APC2: variants seen among roughly 807,000 people sequenced by gnomAD.
The protein encoded by APC2 is APC regulator of Wnt signaling pathway 2.
Under a neutral mutation model 72.5 loss-of-function variants are expected in APC2, and 41 were observed. The ratio of observed to expected loss-of-function variants is 0.57; its 90% confidence interval spans 0.44 to 0.73. The LOEUF is 0.73. APC2 is among the 30% of genes least tolerant of loss of function. APC2 has a pLI of 0.00. For synonymous variants in APC2, 1,898 were observed against 1,612.0 expected, an observed-to-expected ratio of 1.18 and a Z score of -4.25; for missense variants, 3,729 against 3,403.4, an observed-to-expected ratio of 1.10 and a Z score of -2.38.
intron 5 of APC2, 62 bp downstream of exon 5, chr19:1,455,319 G>A: frequency 1.3e-6 from 2 of 1,587,166 alleles, no homozygotes; most frequent in East Asian, 2.3e-5. Flanking sequence ...GGGAAGCGGC[G>A]TGGGGGAGGA....
chr19:1,451,718 C>G (rs2083744915), intron 1 of APC2: 1 of 152,332 alleles, frequency 6.6e-6, no homozygotes, highest in South Asian at 2.1e-4. Context: ...ATGGTGGTCC[C>G]TGAGACTCAG....
chr19:1,456,450 G>C (rs555290470), intron 8 of APC2, 46 bp downstream of exon 8: 1 of 1,519,834 alleles, frequency 6.6e-7, no homozygotes. Context: ...GTCTGGGCTG[G>C]AAGGGGGATC....
At chr19:1,457,877 C>A in intron 9 of APC2, 88 bp from the exon 10 acceptor site, 1 of 1,060,072 alleles carries the variant, frequency 9.4e-7, no homozygotes, top group Admixed American at 2.5e-5. Context: ...ATCCTTCAGG[C>A]CTGGGGCGGG....
rs750495655 is a variant in APC2, at chr19:1,453,514, G to A, written c.316G>A (p.Glu106Lys). ...CCCGGAGCCTGCCGCCCGGACCCCCGAGGGCAGCCCAGTACACGGCTCCGG... is the reference window on the plus strand; with the variant it reads ...CCCGGAGCCTGCCGCCCGGACCCCCAAGGGCAGCCCAGTACACGGCTCCGG... ...LGPEPAARTP[E>K]GSPVHGSGPS... Residue 106 changes from glutamate (E) to lysine (K), a missense_variant, in exon 4 of 15, where the codon GAG (glutamate) becomes AAG (lysine). Physicochemically the swap from Glu to Lys is moderately conservative, Grantham distance 56. Transcript: ENST00000590469. The A allele has an allele frequency of 1.1e-5, 17 of 1,609,960 alleles. 1 individual carries two copies. The highest frequency in any genetic ancestry group is 9.9e-5 in the South Asian group (9 of 90,994).
intron 9 of APC2, chr19:1,457,656 C>CTACTGCACTCCAGT (rs1233589739): frequency 1.9e-6 from 1 of 522,496 alleles, no homozygotes; most frequent in Non-Finnish European, 3.5e-6. Context: ...TGAGATCATG[C>CTACTGCACTCCAGT]TACTGCACTC....
intron 12 of APC2, 59 bp downstream of exon 12, chr19:1,460,916 C>T: frequency 6.2e-7 from 1 of 1,600,230 alleles, no homozygotes; most frequent in Non-Finnish European, 8.6e-7. Flanking sequence ...AGAGGCCCCT[C>T]CCCAGCGGTG....
chr19:1,456,572 G>C (rs1390386321), intron 8 of APC2, among the ~76,000 whole-genome samples, 168 bp downstream of exon 8: 1 of 152,132 alleles, frequency 6.6e-6, no homozygotes, highest in African/African-American at 2.4e-5. Flanking sequence ...CGGGCCTGGC[G>C]AGGTGGATGG....
chr19:1,459,389 C>G (rs2083889267), intron 10 of APC2, among the ~76,000 whole-genome samples: 1 of 152,236 alleles, frequency 6.6e-6, no homozygotes, highest in African/African-American at 2.4e-5. Flanking sequence ...TGGCTCCCTT[C>G]TGAGGCTGCG....
chr19:1,457,222 G>C lies in APC2; in HGVS notation c.1186G>C (p.Glu396Gln). The change falls in exon 9 of 15, where the codon GAG becomes CAG. Residue 396 changes from glutamate to glutamine, a missense_variant. Physicochemically the swap from Glu to Gln is conservative, Grantham distance 29 (BLOSUM62 2). Transcript: ENST00000590469. The stretch of plus-strand genomic sequence containing the variant: ...GCTGCAGGCCCGAGACGGCGGGCCC[G>C]AGGGAGGTGGCGCCGGCAGCGGTGA... The part of the protein sequence containing the change: ...DWLQARDGGP[E>Q]GGGAGSAPIP... 1 of 1,540,054 alleles carries C rather than the reference G, an allele frequency of 6.5e-7. No homozygotes were observed. Among genetic ancestry groups the C allele is most frequent in the Non-Finnish European group, 8.7e-7 (1 of 1,146,120 alleles).
chr19:1,457,904 C>A, intron 9 of APC2, 61 bp from the exon 10 acceptor site: 4 of 928,980 alleles, frequency 4.3e-6, no homozygotes, highest in South Asian at 1.5e-5. Context: ...GCGGGACCTT[C>A]GGGAGTCACC....
upstream of APC2, among the ~76,000 whole-genome samples, chr19:1,446,837 C>T (rs73515102): frequency 0.01 from 1,529 of 152,312 alleles, 20 homozygotes; most frequent in African/African-American, 0.031. The surrounding 1 kb of genome is among the most constrained non-coding windows in gnomAD (Gnocchi z 6.1). Context: ...CGTATCCGTC[C>T]GCTCCCGACC....
At position 1,469,566 on chromosome 19, in the gene APC2, C is replaced by A. The variant is rs1361981843; in HGVS notation, c.6265C>A (p.Pro2089Thr). 7 of 1,239,944 alleles carry A rather than the reference C, an allele frequency of 5.6e-6. No homozygotes were observed. Among genetic ancestry groups the A allele is most frequent in the Non-Finnish European group, 7.2e-6 (7 of 977,300 alleles). The allele number at this position is 1,239,944 out of a possible 1,614,324, so 76.8% of individuals were successfully genotyped here. A position where few individuals can be genotyped will look rare whatever the true frequency, so the allele number is the denominator to read the frequency against. ...ESPSRLPVRAPAARPETVKRY... is the reference protein window; with the variant it reads ...ESPSRLPVRATAARPETVKRY... ...CCCGTCCCGCCTGCCTGTGCGCGCG[C>A]CCGCCGCCCGGCCGGAGACTGTCAA... Residue 2089 changes from proline (P) to threonine (T), a missense_variant, in exon 15 of 15, where the codon CCC (proline) becomes ACC (threonine). Coordinates refer to ENST00000590469, the MANE Select transcript of APC2 (RefSeq NM_005883.3).
intron 5 of APC2, 53 bp downstream of exon 5, chr19:1,455,310 G>T: frequency 2.5e-6 from 4 of 1,584,260 alleles, no homozygotes; most frequent in East Asian, 4.6e-5. Flanking sequence ...TCAGGGTGCG[G>T]GAAGCGGCGT....
intron 14 of APC2, among the ~76,000 whole-genome samples, chr19:1,463,357 G>A (rs2145222403): frequency 6.6e-6 from 1 of 151,266 alleles, no homozygotes; most frequent in South Asian, 2.1e-4. Flanking sequence ...GGCGGAGGCT[G>A]CAGTGAGGTG....
rs1208322438 is a variant in APC2, at chr19:1,465,459, G to A, written c.2158G>A (p.Val720Met). ...SPGSCVPSLY[V>M]RKQRALEAEL... is the part of the protein sequence containing the mutation. ...AGGCAGCTGCGTGCCCAGCCTGTAC[G>A]TGCGCAAGCAGCGGGCGCTGGAGGC... The change falls in exon 15 of 15, where the codon GTG becomes ATG. Residue 720 changes from valine to methionine, a missense_variant. Val to Met is a conservative substitution (Grantham distance 21). Transcript: ENST00000590469. 3.9e-6 allele frequency: 6 copies of A among 1,533,540 alleles called. No individual in the cohort carries two copies. Among genetic ancestry groups the A allele is most frequent in the East Asian group, 2.5e-5 (1 of 40,646 alleles). 95.0% of individuals were successfully genotyped at this position (1,533,540 alleles called of 1,614,324 possible).
rs758320358 is a variant in APC2, at chr19:1,470,060, G to A, written c.6759G>A (p.Val2253=). 77 of 1,588,324 alleles carry A rather than the reference G, an allele frequency of 4.8e-5. No individual in the cohort carries two copies. Among genetic ancestry groups the A allele is most frequent in the Non-Finnish European group, 6.1e-5 (72 of 1,171,772 alleles). Residue 2253 remains valine, a synonymous_variant, in exon 15 of 15, where the codon GTG becomes GTA. Transcript: ENST00000590469. ...TGCACGAGGGCCTGGGGGTCGCCGT[G>A]GGGGGCTTCCCCGCCAGCCGGCACG... The part of the protein sequence containing the change: ...PFVHEGLGVA[V]GGFPASRHGS...
At chr19:1,460,910 G>T (rs1236135482) in intron 12 of APC2, 53 bp downstream of exon 12, 21 of 1,602,404 alleles carry the variant, frequency 1.3e-5, no homozygotes, top group African/African-American at 2.7e-5. Flanking sequence ...ATAGGCAGAG[G>T]CCCCTCCCCA....
At chr19:1,453,687 G>T in intron 4 of APC2, 76 bp downstream of exon 4, 1 of 1,515,596 alleles carries the variant, frequency 6.6e-7, no homozygotes, top group Admixed American at 2.0e-5. Context: ...CCTCTAATTC[G>T]CCCACCCGCA....
At chr19:1,463,592 A>AAAG (rs2083960473) in intron 14 of APC2, among the ~76,000 whole-genome samples, 2 of 151,420 alleles carry the variant, frequency 1.3e-5, no homozygotes, top group African/African-American at 4.9e-5. Flanking sequence ...AAAAAAAAAA[A>AAAG]AAAAAGAAAA....
Sources: allele counts gnomAD v4.1 joint callset (sites outside exome capture counted in the v4.1 genomes callset), GRCh38; gene constraint gnomAD v4.1.1; non-coding constraint Gnocchi (gnomAD v3.1); transcripts MANE v1.5; gene names NCBI Gene and HGNC (gene_info 2026-07-23, HGNC 2026-07-21).